The following ZSCAN23 variants were observed in gnomAD, a reference collection of about 807,000 sequenced individuals.
The protein encoded by ZSCAN23 is zinc finger and SCAN domain containing 23, also known as zinc finger and SCAN domain-containing protein 23.
In ZSCAN23, 19 loss-of-function variants were observed where a neutral mutation model predicts 19.3. The observed-to-expected ratio is 0.99, with a 90% CI of 0.69 to 1.45. The LOEUF is 1.45. Among genes scored for constraint, ZSCAN23 ranks in the 40% most tolerant of loss-of-function variants. The pLI, the probability that ZSCAN23 is intolerant of heterozygous loss-of-function variation, is 0.00. For missense variants in ZSCAN23, 372 were observed against 462.5 expected (o/e 0.80, Z 1.79); for synonymous variants, 140 against 166.2 (o/e 0.84, Z 1.21).
Position 28,434,810 on chromosome 6 carries a change from C to A in ZSCAN23, c.825G>T (p.Lys275Asn), listed in dbSNP as rs1413387297. ...IEHQRTHTGE[K>N]PYECDECGRA... Reference sequence around the variant, plus strand: ...GCCCACACTCATCACATTCATAAGGCTTCTCACCTGTGTGTGTTCTCTGGT... The same window carrying A: ...GCCCACACTCATCACATTCATAAGGATTCTCACCTGTGTGTGTTCTCTGGT... The change falls in exon 4 of 4, where the codon AAG becomes AAT. Residue 275 changes from lysine (K) to asparagine (N), a missense_variant. Transcript: ENST00000289788. 1.3e-6 allele frequency: 2 copies of A among 1,598,122 alleles called. No individual in the cohort carries two copies. Among genetic ancestry groups the A allele is most frequent in the Admixed American group, 3.5e-5 (2 of 57,010 alleles).
At position 28,434,052 on chromosome 6, in the gene ZSCAN23, A is replaced by T. The variant is rs1436523388; in HGVS notation, c.*413T>A. 1 of 153,840 alleles carries T rather than the reference A, an allele frequency of 6.5e-6. No homozygotes were observed. The highest frequency in any genetic ancestry group is 6.5e-5 in the Admixed American group (1 of 15,424). 9.5% of individuals were successfully genotyped at this position (153,840 alleles called of 1,614,324 possible). On this transcript the variant is annotated 3_prime_UTR_variant, in exon 4 of 4. Coordinates refer to ENST00000289788, the MANE Select transcript of ZSCAN23 (RefSeq NM_001012455.2). ...TTTATGTGAATGGAAAGAAGTCAGG[A>T]AACCTATATTATGAATTTTATTACA...
chr6:28,432,216 C>G (rs1761773768), downstream of ZSCAN23, among the ~76,000 whole-genome samples: 1 of 152,094 alleles, frequency 6.6e-6, no homozygotes, highest in Non-Finnish European at 1.5e-5. Flanking sequence ...TATTTATAAA[C>G]TCAGAATACT....
At chr6:28,428,325 A>G (rs1355419291), downstream of ZSCAN23, among the ~76,000 whole-genome samples, 3 of 152,166 alleles carry the variant, frequency 2.0e-5, no homozygotes, top group Non-Finnish European at 4.4e-5. Flanking sequence ...CTTGTGACCA[A>G]TTTATTCTCC....
chr6:28,423,082 G>C, the ZSCAN23 span, among the ~76,000 whole-genome samples: 17 of 152,250 alleles, frequency 1.1e-4, no homozygotes, highest in East Asian at 7.7e-4. Flanking sequence ...ACAATTAGAT[G>C]GAGTTTAATG....
downstream of ZSCAN23, among the ~76,000 whole-genome samples, chr6:28,432,261 T>C (rs991574439): frequency 5.9e-5 from 9 of 152,196 alleles, no homozygotes; most frequent in Admixed American, 5.9e-4. Flanking sequence ...ATGGAATACA[T>C]ATTTACTTAA....
downstream of ZSCAN23, among the ~76,000 whole-genome samples, chr6:28,428,518 A>C: frequency 6.6e-6 from 1 of 152,198 alleles, no homozygotes; most frequent in East Asian, 1.9e-4. Flanking sequence ...AGGTCTAGTT[A>C]AATCTGTAAT....
Position 28,435,994 on chromosome 6 carries a change from C to G in ZSCAN23, c.273G>C (p.Leu91=), listed in dbSNP as rs753243628. The change falls in exon 2 of 4, where the codon CTG becomes CTC. Residue 91 remains leucine, a synonymous_variant. Transcript: ENST00000289788. ...GGATAGTCAGGAACTGCTCCAGCAC[C>G]AGCAGCTCTAGGATCTGCTCCTTGG... ...MHTKEQILEL[L]VLEQFLTILP... 6 of 1,614,098 alleles carry G rather than the reference C, an allele frequency of 3.7e-6. No individual in the cohort carries two copies.
At chr6:28,441,869 T>C (rs1171429747) in intron 1 of ZSCAN23, among the ~76,000 whole-genome samples, 2 of 142,714 alleles carry the variant, frequency 1.4e-5, no homozygotes, top group Non-Finnish European at 3.0e-5. Flanking sequence ...CAGATCTGGT[T>C]GTTAATTTTT....
chr6:28,434,576 T>C lies in ZSCAN23; in HGVS notation c.1059A>G (p.Arg353=), dbSNP rs1158920242. ...SRRSVLIKHQ[R]IHTGERPYEC... ...CATAAGGTCTCTCTCCAGTGTGAAT[T>C]CTCTGATGCTTAATGAGGACTGAAC... is the stretch of plus-strand genomic sequence containing the variant. Residue 353 remains arginine, a synonymous_variant, in exon 4 of 4, where the codon AGA becomes AGG. Transcript: ENST00000289788. The C allele has an allele frequency of 3.2e-6, 5 of 1,554,958 alleles. No homozygotes were observed. The highest frequency in any genetic ancestry group is 4.4e-6 in the Non-Finnish European group (5 of 1,148,970).
the ZSCAN23 span, among the ~76,000 whole-genome samples, chr6:28,424,769 A>G: frequency 1.3e-5 from 2 of 152,330 alleles, no homozygotes; most frequent in African/African-American, 4.8e-5. Context: ...TTCTCTTGCT[A>G]TTTCCACTAT....
At position 28,434,718 on chromosome 6, in the gene ZSCAN23, TG is replaced by T; in HGVS notation, c.916del (p.Gln306SerfsTer71). ...GAAGGCTTTGCCACAAACACTGCACTGGTAGCGCTTCTCCCCAGTGTGGAGT... is the reference window on the plus strand; with the variant it reads ...GAAGGCTTTGCCACAAACACTGCACTGTAGCGCTTCTCCCCAGTGTGGAGT... ...QRLHTGEKRY[Q>X]CSVCGKAFSQ... On this transcript the variant is annotated frameshift_variant, in exon 4 of 4. Coordinates refer to ENST00000289788, the MANE Select transcript of ZSCAN23 (RefSeq NM_001012455.2). LOFTEE classifies it low-confidence loss of function (END_TRUNC). 3 of 1,596,920 alleles carry T rather than the reference TG, an allele frequency of 1.9e-6. No individual in the cohort carries two copies. Among genetic ancestry groups the T allele is most frequent in the Non-Finnish European group, 2.6e-6 (3 of 1,171,466 alleles).
intron 2 of ZSCAN23, 123 bp from the exon 3 acceptor site, chr6:28,435,730 G>A: frequency 7.0e-7 from 1 of 1,424,088 alleles, no homozygotes. Context: ...CAGAGGCAGA[G>A]AGACTAAAAG....
At chr6:28,439,628 C>A (rs534124668) in intron 1 of ZSCAN23, among the ~76,000 whole-genome samples, 1 of 152,226 alleles carries the variant, frequency 6.6e-6, no homozygotes, top group South Asian at 2.1e-4. Context: ...TTAATAATAG[C>A]GGACATTTAT....
chr6:28,428,905 G>T (rs1761703160), downstream of ZSCAN23, among the ~76,000 whole-genome samples: 1 of 152,070 alleles, frequency 6.6e-6, no homozygotes, highest in South Asian at 2.1e-4. Context: ...AAATGGAAAA[G>T]CACACCACCC....
chr6:28,428,867 A>AT (rs1228769848), downstream of ZSCAN23, among the ~76,000 whole-genome samples: 1 of 152,124 alleles, frequency 6.6e-6, no homozygotes, highest in African/African-American at 2.4e-5. Context: ...GTGCATACAA[A>AT]TTTTCTTTAT....
rs1389137942 is a variant in ZSCAN23 at position 28,434,080 on chromosome 6, TA to T, written c.*384del. ...CCTATATTATGAATTTTATTACAAT[TA>T]TTTTTAAGTTAATTTTTAAATACTC... On this transcript the variant is annotated 3_prime_UTR_variant, in exon 4 of 4. Transcript: ENST00000289788. 1.9e-5 allele frequency: 3 copies of T among 157,110 alleles called. No homozygotes were observed. The highest frequency in any genetic ancestry group is 7.2e-5 in the African/African-American group (3 of 41,632). 9.7% of individuals were successfully genotyped at this position (157,110 alleles called of 1,614,324 possible). A position where few individuals can be genotyped will look rare whatever the true frequency, so the allele number is the denominator to read the frequency against.
At chr6:28,442,320 C>A (rs1762018033) in intron 1 of ZSCAN23, among the ~76,000 whole-genome samples, 1 of 152,166 alleles carries the variant, frequency 6.6e-6, no homozygotes, top group African/African-American at 2.4e-5. Flanking sequence ...TGTTTTTGCA[C>A]AAAACCTGGC....
intron 1 of ZSCAN23, among the ~76,000 whole-genome samples, chr6:28,437,127 G>A (rs766075194): frequency 6.6e-6 from 1 of 152,316 alleles, no homozygotes; most frequent in South Asian, 2.1e-4. Context: ...TATCCTAGTG[G>A]TTTAAGGCTA....
rs1436624003 is a variant in ZSCAN23, at chr6:28,434,969, C to A, written c.666G>T (p.Gln222His). 2 of 1,551,700 alleles carry A rather than the reference C, an allele frequency of 1.3e-6. No homozygotes were observed. Among genetic ancestry groups the A allele is most frequent in the Non-Finnish European group, 8.7e-7 (1 of 1,147,044 alleles). The change falls in exon 4 of 4, where the codon CAG becomes CAT. Residue 222 changes from glutamine to histidine, a missense_variant. Coordinates refer to ENST00000289788, the MANE Select transcript of ZSCAN23 (RefSeq NM_001012455.2). ...VLGKQNGNIT[Q>H]IPEYGDTCDR... is the part of the protein sequence containing the mutation. Reference sequence around the variant, plus strand: ...CACAGGTATCTCCATACTCAGGAATCTGAGTAATATTACCATTCTGTTTTC... The same window carrying A: ...CACAGGTATCTCCATACTCAGGAATATGAGTAATATTACCATTCTGTTTTC...
Sources: allele counts gnomAD v4.1 joint callset (sites outside exome capture counted in the v4.1 genomes callset), GRCh38; gene constraint gnomAD v4.1.1; transcripts MANE v1.5; gene names NCBI Gene and HGNC (gene_info 2026-07-23, HGNC 2026-07-21).